The following TSC22D2 variants were observed in gnomAD, a reference collection of about 807,000 sequenced individuals.
The protein encoded by TSC22D2 is TSC22 domain family protein 2.
A neutral mutation model predicts 50.1 loss-of-function variants in TSC22D2; 5 were observed. The observed-to-expected ratio is 0.10, with a 90% CI of 0.05 to 0.21. The LOEUF (loss-of-function observed/expected upper bound fraction) is 0.21. Ranked by LOEUF, TSC22D2 falls within the 10% of genes least tolerant of loss-of-function variation. The pLI, the probability that TSC22D2 is intolerant of heterozygous loss-of-function variation, is 1.00. For missense variants in TSC22D2, 1,003 were observed against 1,015.5 expected (o/e 0.99, Z 0.17); for synonymous variants, 501 against 450.1 (o/e 1.11, Z -1.43).
chr3:150,411,300 TGAA>T lies in TSC22D2; in HGVS notation c.1953_1955del (p.Glu651del), dbSNP rs775020697. 8.1e-6 allele frequency: 13 copies of T among 1,607,464 alleles called. No homozygotes were observed. Among genetic ancestry groups the T allele is most frequent in the Non-Finnish European group, 1.0e-5 (12 of 1,175,486 alleles). On this transcript the variant is annotated inframe_deletion, in exon 1 of 3. Transcript: ENST00000688009. ...GCATAGCTATTCCTGTTGATGGTGA[TGAA>T]GACAGGTATGGAAATCTCTATTTTA...
intron 1 of TSC22D2, among the ~76,000 whole-genome samples, chr3:150,455,190 T>C (rs1041152851): frequency 4.6e-5 from 7 of 152,214 alleles, no homozygotes; most frequent in African/African-American, 1.4e-4. Context: ...TTTAAATGCC[T>C]GTCACCGTCT....
chr3:150,425,121 G>A (rs1186837825), intron 1 of TSC22D2, among the ~76,000 whole-genome samples: 1 of 152,106 alleles, frequency 6.6e-6, no homozygotes, highest in Non-Finnish European at 1.5e-5. Context: ...GATTGTTCTG[G>A]AAATCACCAA....
intron 1 of TSC22D2, among the ~76,000 whole-genome samples, chr3:150,435,135 G>A (rs953079549): frequency 6.6e-6 from 1 of 151,934 alleles, no homozygotes; most frequent in African/African-American, 2.4e-5. Context: ...CCACCACCAT[G>A]CCTGCCTAAT....
chr3:150,446,502 TTTTAAAAAGAAAGATG>T (rs1289945934), intron 1 of TSC22D2, among the ~76,000 whole-genome samples: 1 of 152,130 alleles, frequency 6.6e-6, no homozygotes, highest in Non-Finnish European at 1.5e-5. Context: ...GTCAAAACAT[TTTTAAAAAGAAAGATG>T]TAATTCTTTG....
intron 1 of TSC22D2, among the ~76,000 whole-genome samples, chr3:150,424,071 G>A (rs943295307): frequency 3.3e-5 from 5 of 151,972 alleles, no homozygotes; most frequent in Non-Finnish European, 5.9e-5. Flanking sequence ...TTAATTCTTC[G>A]GCTTGATTTG....
intron 1 of TSC22D2, among the ~76,000 whole-genome samples, chr3:150,441,077 A>T (rs1304536490): frequency 6.7e-6 from 1 of 149,640 alleles, no homozygotes; most frequent in Non-Finnish European, 1.5e-5. Flanking sequence ...ACATATAAAC[A>T]TATAAAATAC....
intron 1 of TSC22D2, among the ~76,000 whole-genome samples, chr3:150,454,599 C>T (rs1721133115): frequency 6.6e-6 from 1 of 152,128 alleles, no homozygotes. Context: ...GGGAGCCCAG[C>T]AACCTGAGTT....
chr3:150,419,173 G>C (rs1157785625), intron 1 of TSC22D2, among the ~76,000 whole-genome samples: 2 of 151,984 alleles, frequency 1.3e-5, no homozygotes, highest in South Asian at 2.1e-4. Flanking sequence ...TAAGAAAGTG[G>C]TTTCTTCCCT....
At chr3:150,450,381 G>C (rs1359264523) in intron 1 of TSC22D2, among the ~76,000 whole-genome samples, 1 of 151,984 alleles carries the variant, frequency 6.6e-6, no homozygotes, top group Non-Finnish European at 1.5e-5. Context: ...TTACCTGCTT[G>C]CTCAGGATGA....
intron 1 of TSC22D2, among the ~76,000 whole-genome samples, chr3:150,451,208 T>G (rs1576557450): frequency 6.6e-6 from 1 of 152,230 alleles, no homozygotes; most frequent in East Asian, 1.9e-4. Context: ...GAGGAGTCTT[T>G]GAGTAAAGCA....
intron 1 of TSC22D2, among the ~76,000 whole-genome samples, chr3:150,437,672 G>T (rs1720590396): frequency 6.6e-6 from 1 of 152,046 alleles, no homozygotes; most frequent in African/African-American, 2.4e-5. Flanking sequence ...GCCAGGCGTG[G>T]TGGCACGTGC....
chr3:150,465,567 T>C lies in TSC22D2; in HGVS notation c.*6931T>C, dbSNP rs539126229. On this transcript the variant is annotated 3_prime_UTR_variant, in exon 3 of 3. Transcript: ENST00000688009. ...CAACTTTTAATGTCCTAAAGAAACA[T>C]ACATGTGTTCACAAGATAGCCTGTA... The C allele has an allele frequency of 6.6e-6, 1 of 152,280 alleles. No homozygotes were observed. Among genetic ancestry groups the C allele is most frequent in the East Asian group, 1.9e-4 (1 of 5,178 alleles). 9.4% of individuals were successfully genotyped at this position (152,280 alleles called of 1,614,324 possible).
chr3:150,433,561 T>A (rs2108081367), intron 1 of TSC22D2, among the ~76,000 whole-genome samples: 1 of 152,340 alleles, frequency 6.6e-6, no homozygotes. Context: ...GGAAAAGAGT[T>A]GCAGTGTCTG....
Position 150,460,400 on chromosome 3 carries a change from CAG to C in TSC22D2, c.*1767_*1768del, listed in dbSNP as rs1721359901. The C allele has an allele frequency of 6.6e-6, 1 of 151,932 alleles. No individual in the cohort carries two copies. Among genetic ancestry groups the C allele is most frequent in the Non-Finnish European group, 1.5e-5 (1 of 68,012 alleles). The allele number at this position is 151,932 out of a possible 1,614,324, so 9.4% of individuals were successfully genotyped here. On this transcript the variant is annotated 3_prime_UTR_variant, in exon 3 of 3. Transcript: ENST00000688009. ...CTGCATCTGTAGCCAGCTAGCTAAT[CAG>C]AGTTAATGAGAACCAGTAGTTAGTT...
At chr3:150,440,992 C>T (rs957500597) in intron 1 of TSC22D2, among the ~76,000 whole-genome samples, 3 of 150,714 alleles carry the variant, frequency 2.0e-5, no homozygotes, top group Admixed American at 6.6e-5. Flanking sequence ...GCACAAACAA[C>T]GTGATAGGTC....
Position 150,410,407 on chromosome 3 carries a change from C to T in TSC22D2, c.1057C>T (p.Gln353Ter). 1 of 1,608,108 alleles carries T rather than the reference C, an allele frequency of 6.2e-7. No homozygotes were observed. The highest frequency in any genetic ancestry group is 1.1e-5 in the South Asian group (1 of 90,454). The part of the protein sequence containing the change: ...GPAVGAPAAQ[Q>*]PQQFAYPQPQ... ...TGCAGTGGGCGCCCCCGCGGCGCAG[C>T]AGCCCCAGCAGTTCGCGTATCCTCA... The change falls in exon 1 of 3, where the codon CAG (glutamine) becomes TAG (stop). Residue 353 changes from glutamine to a stop codon, truncating the protein, a stop_gained. Transcript: ENST00000688009. LOFTEE classifies it high-confidence loss of function.
In TSC22D2 at chr3:150,409,204, A is replaced by C; in HGVS notation, c.-147A>C. On this transcript the variant is annotated 5_prime_UTR_variant, in exon 1 of 3. Transcript: ENST00000688009. The surrounding 1 kb of genome is among the most constrained non-coding windows in gnomAD (Gnocchi z 7.4). The stretch of plus-strand genomic sequence containing the variant: ...GTCTCACCGGGCGGCCAGCGCCTGG[A>C]TCAGCCCGTGACTCTTAACAGCGGC... 4.6e-6 allele frequency: 4 copies of C among 872,406 alleles called. No homozygotes were observed. The highest frequency in any genetic ancestry group is 6.7e-6 in the Non-Finnish European group (4 of 601,308). 54.0% of individuals were successfully genotyped at this position (872,406 alleles called of 1,614,324 possible). A position where few individuals can be genotyped will look rare whatever the true frequency, so the allele number is the denominator to read the frequency against.
chr3:150,451,096 T>A (rs899664265), intron 1 of TSC22D2, among the ~76,000 whole-genome samples: 2 of 152,156 alleles, frequency 1.3e-5, no homozygotes, highest in African/African-American at 2.4e-5. Flanking sequence ...TATGCCAAAT[T>A]TACCAACTTA....
intron 1 of TSC22D2, among the ~76,000 whole-genome samples, chr3:150,429,653 G>A (rs1309522899): frequency 1.3e-5 from 2 of 152,060 alleles, no homozygotes; most frequent in Non-Finnish European, 2.9e-5. Flanking sequence ...TAGGTCATTG[G>A]GATTTTAATG....
Sources: gnomAD v4.1 joint callset for allele counts (sites outside exome capture counted in the v4.1 genomes callset) on GRCh38, gnomAD v4.1.1 for gene constraint, Gnocchi (gnomAD v3.1) non-coding constraint, MANE v1.5 for transcripts, NCBI Gene and HGNC (gene_info 2026-07-23, HGNC 2026-07-21) for gene names.